The following OPCML variants were observed in gnomAD, a reference collection of about 807,000 sequenced individuals.
The protein encoded by OPCML is opioid binding protein/cell adhesion molecule like.
OPCML carries 13 observed loss-of-function variants against 37.8 expected under a neutral mutation model. That is an observed-to-expected ratio of 0.34 (90% confidence interval 0.22 to 0.55). The LOEUF is 0.55. OPCML is among the 20% of genes least tolerant of loss of function. The probability of loss-of-function intolerance (pLI) is 0.91; values close to 1 mark genes in which losing one functional copy is unlikely to be tolerated. For synonymous variants in OPCML, 176 were observed against 168.8 expected (o/e 1.04, Z -0.33); for missense variants, 341 against 435.6 (o/e 0.78, Z 1.93).
At chr11:133,010,730 G>A (rs942932163) in intron 1 of OPCML, among the ~76,000 whole-genome samples, 4 of 152,174 alleles carry the variant, frequency 2.6e-5, no homozygotes, top group Non-Finnish European at 5.9e-5. Context: ...AAATAAATTG[G>A]AAGATTAAAA....
chr11:133,155,870 TC>T (rs1950055061), intron 1 of OPCML, among the ~76,000 whole-genome samples: 1 of 152,074 alleles, frequency 6.6e-6, no homozygotes, highest in South Asian at 2.1e-4. Context: ...GCTCACCTCT[TC>T]CTCTCACCAC....
intron 3 of OPCML, among the ~76,000 whole-genome samples, chr11:132,604,316 C>A (rs978896549): frequency 6.6e-6 from 1 of 151,902 alleles, no homozygotes; most frequent in Admixed American, 6.6e-5. Context: ...CCGTGCCTTG[C>A]TTCTGTTTTC....
intron 2 of OPCML, among the ~76,000 whole-genome samples, chr11:132,712,740 G>A (rs918886814): frequency 6.6e-6 from 1 of 152,192 alleles, no homozygotes; most frequent in South Asian, 2.1e-4. Flanking sequence ...AGCAATTTCA[G>A]CTCTCGCTTC....
chr11:133,156,755 T>A lies in OPCML; in HGVS notation c.62-213745A>T, dbSNP rs141538718. ...CCCTTGGGTAAATGTCTATTTGGAA[T>A]CCCCACAACAGAAAATCTACTTCTA... On this transcript the variant is annotated intron_variant, in intron 1 of 7. Transcript: ENST00000524381. 3.6e-3 allele frequency among the ~76,000 whole-genome samples: 552 copies of A among 152,168 alleles called. 1 individual carries two copies. Among genetic ancestry groups the A allele is most frequent in the Non-Finnish European group, 5.6e-3 (381 of 67,994 alleles).
chr11:132,784,586 TC>T (rs967024842), intron 2 of OPCML, among the ~76,000 whole-genome samples: 1 of 151,942 alleles, frequency 6.6e-6, no homozygotes, highest in African/African-American at 2.4e-5. Context: ...GAATGCTTTG[TC>T]CCCCCCACCC....
At chr11:133,032,962 TATATAATTACTCTACATTA>T (rs2136927693) in intron 1 of OPCML, among the ~76,000 whole-genome samples, 1 of 152,310 alleles carries the variant, frequency 6.6e-6, no homozygotes, top group South Asian at 2.1e-4. Context: ...AACATAAATA[TATATAATTACTCTACATTA>T]ATATAATTAG....
At chr11:133,394,154 C>T (rs1278704821) in intron 1 of OPCML, among the ~76,000 whole-genome samples, 2 of 152,226 alleles carry the variant, frequency 1.3e-5, no homozygotes, top group Non-Finnish European at 2.9e-5. Context: ...CAGATGGCAT[C>T]ACTGGGCTTC....
chr11:132,587,435 C>T lies in OPCML; in HGVS notation c.380-58249G>A, dbSNP rs539512346. Among the ~76,000 whole-genome samples, 15 of 152,278 alleles carry T rather than the reference C, an allele frequency of 9.9e-5. No individual in the cohort carries two copies. In the South Asian group the frequency reaches 2.1e-3, roughly 21 times the overall value. On this transcript the variant is annotated intron_variant, in intron 3 of 7. Coordinates refer to ENST00000524381, the MANE Select transcript of OPCML (RefSeq NM_001012393.5). ...AAAACATCAGAAGATTAGGCAAAGC[C>T]ATAGTCAGAGGACACAGGAGGCTGC...
intron 1 of OPCML, among the ~76,000 whole-genome samples, chr11:133,072,392 C>G (rs1289071300): frequency 8.5e-5 from 13 of 152,142 alleles, no homozygotes. Context: ...AAGGCAACGA[C>G]AGCATAATTC....
At chr11:133,111,055 A>C (rs1335601610) in intron 1 of OPCML, among the ~76,000 whole-genome samples, 1 of 152,172 alleles carries the variant, frequency 6.6e-6, no homozygotes, top group East Asian at 1.9e-4. Context: ...ACAGCCCCCA[A>C]ATAAGGAGCT....
chr11:133,277,417 T>G (rs186507747), intron 1 of OPCML, among the ~76,000 whole-genome samples: 1 of 152,170 alleles, frequency 6.6e-6, no homozygotes, highest in East Asian at 1.9e-4. Flanking sequence ...AAACAAACAT[T>G]TTAGGCATCT....
intron 7 of OPCML, among the ~76,000 whole-genome samples, chr11:132,422,648 A>G (rs1034681837): frequency 1.3e-5 from 2 of 152,244 alleles, no homozygotes; most frequent in African/African-American, 4.8e-5. Flanking sequence ...CATCAACCCT[A>G]TGAGCTATGT....
At chr11:132,877,829 G>A (rs537852043) in intron 2 of OPCML, among the ~76,000 whole-genome samples, 5 of 152,150 alleles carry the variant, frequency 3.3e-5, no homozygotes, top group African/African-American at 7.2e-5. Context: ...CTAGAGCAAC[G>A]TAAATTACTA....
chr11:133,103,877 C>G (rs936883256), intron 1 of OPCML, among the ~76,000 whole-genome samples: 12 of 152,194 alleles, frequency 7.9e-5, no homozygotes, highest in African/African-American at 2.9e-4. Flanking sequence ...CTTTTTCTTT[C>G]TCCCCATGCT....
Position 132,733,803 on chromosome 11 carries a change from G to A in OPCML, c.147-76484C>T, listed in dbSNP as rs960565556. On this transcript the variant is annotated intron_variant, in intron 2 of 7. Transcript: ENST00000524381. Reference sequence around the variant, plus strand: ...ATGAGCTGGGTAAGAAAAGAAACTAGCCCACGGAGATGCTGACAGATTGGG... The same window carrying A: ...ATGAGCTGGGTAAGAAAAGAAACTAACCCACGGAGATGCTGACAGATTGGG... Among the ~76,000 whole-genome samples the A allele has an allele frequency of 1.1e-4, 16 of 152,280 alleles. No individual in the cohort carries two copies. In the South Asian group the frequency reaches 1.2e-3, roughly 12 times the overall value.
chr11:133,215,100 T>C (rs1337396814), intron 1 of OPCML, among the ~76,000 whole-genome samples: 4 of 152,206 alleles, frequency 2.6e-5, no homozygotes, highest in East Asian at 1.9e-4. Context: ...TTTTCACAGA[T>C]GGCAAAGGCT....
intron 2 of OPCML, among the ~76,000 whole-genome samples, chr11:132,662,552 T>C (rs768466762): frequency 6.6e-6 from 1 of 152,072 alleles, no homozygotes; most frequent in Non-Finnish European, 1.5e-5. Flanking sequence ...CTACACCTAG[T>C]GAGAGACAAA....
At chr11:133,009,970 G>A (rs1947185772) in intron 1 of OPCML, among the ~76,000 whole-genome samples, 1 of 152,206 alleles carries the variant, frequency 6.6e-6, no homozygotes, top group Non-Finnish European at 1.5e-5. Flanking sequence ...TAAGAGGTCA[G>A]AAATTCAGTT....
At chr11:132,826,879 G>A (rs980723087) in intron 2 of OPCML, among the ~76,000 whole-genome samples, 1 of 152,178 alleles carries the variant, frequency 6.6e-6, no homozygotes, top group Non-Finnish European at 1.5e-5. Flanking sequence ...TACTTTTAGT[G>A]TCCATAAGTA....
Sources: gnomAD v4.1 joint callset for allele counts (sites outside exome capture counted in the v4.1 genomes callset) on GRCh38, gnomAD v4.1.1 for gene constraint, MANE v1.5 for transcripts, NCBI Gene and HGNC (gene_info 2026-07-23, HGNC 2026-07-21) for gene names.